ARSB: variants seen among roughly 807,000 people sequenced by gnomAD.
ARSB encodes arylsulfatase B.
In ARSB, 41 loss-of-function variants were observed where a neutral mutation model predicts 50.9. That is an observed-to-expected ratio of 0.81 (90% CI 0.63 to 1.04). ARSB has a LOEUF of 1.04. Ranked by LOEUF, ARSB falls within the 50% of genes least tolerant of loss-of-function variation. The probability of loss-of-function intolerance (pLI) is 0.00; values close to 1 mark genes in which losing one functional copy is unlikely to be tolerated. For missense variants in ARSB, 672 were observed against 693.3 expected, an observed-to-expected ratio of 0.97 and a Z score of 0.35; for synonymous variants, 269 against 284.8, an observed-to-expected ratio of 0.94 and a Z score of 0.56.
At chr5:78,931,506 C>T (rs1339474497) in intron 4 of ARSB, among the ~76,000 whole-genome samples, 1 of 152,074 alleles carries the variant, frequency 6.6e-6, no homozygotes, top group Non-Finnish European at 1.5e-5. Flanking sequence ...AGCTGCCTGT[C>T]TCTGGCCATT....
At chr5:78,865,087 G>T (rs1016144716) in intron 5 of ARSB, among the ~76,000 whole-genome samples, 3 of 118,718 alleles carry the variant, frequency 2.5e-5, no homozygotes, top group African/African-American at 9.6e-5. Context: ...GGAGGATAGT[G>T]GCCCTCTTCT....
At chr5:78,835,286 T>C (rs1320173536) in intron 6 of ARSB, among the ~76,000 whole-genome samples, 2 of 152,090 alleles carry the variant, frequency 1.3e-5, no homozygotes, top group Non-Finnish European at 2.9e-5. Context: ...GGGCACCCTA[T>C]AATTTGACTA....
chr5:78,853,727 TGG>T (rs1745981805), intron 5 of ARSB, among the ~76,000 whole-genome samples: 1 of 152,264 alleles, frequency 6.6e-6, no homozygotes, highest in Non-Finnish European at 1.5e-5. Flanking sequence ...TTGAGCTTCC[TGG>T]CTGCTTTGTT....
intron 3 of ARSB, among the ~76,000 whole-genome samples, chr5:78,958,782 G>A (rs1751848572): frequency 6.6e-6 from 1 of 152,088 alleles, no homozygotes; most frequent in Non-Finnish European, 1.5e-5. Context: ...GAAGATCTTT[G>A]TTATAGATTA....
intron 5 of ARSB, among the ~76,000 whole-genome samples, chr5:78,867,300 CTGGGTGGAGCCCACCACAGCTCAAGG>C (rs1320899877): frequency 2.6e-5 from 4 of 151,930 alleles, no homozygotes; most frequent in African/African-American, 9.7e-5. Flanking sequence ...GAAGCTCGAA[CTGGGTGGAGCCCACCACAGCTCAAGG>C]AGGCCTGCCT....
intron 6 of ARSB, among the ~76,000 whole-genome samples, chr5:78,786,638 T>C (rs1332208532): frequency 6.6e-6 from 1 of 152,214 alleles, no homozygotes; most frequent in Non-Finnish European, 1.5e-5. Context: ...TTATTCTTTT[T>C]AGAGACAGGA....
At position 78,842,883 on chromosome 5, in the gene ARSB, C is replaced by T. The variant is rs143530530; in HGVS notation, c.1143-3457G>A. The stretch of plus-strand genomic sequence containing the variant: ...TATCAATAATCTCCACTTTCTTATG[C>T]ATGTTCATCTATCCTTCTGTTAAAA... On this transcript the variant is annotated intron_variant, in intron 5 of 7. Coordinates refer to ENST00000264914, the MANE Select transcript of ARSB (RefSeq NM_000046.5). 5.3e-5 allele frequency among the ~76,000 whole-genome samples: 8 copies of T among 151,594 alleles called. No individual in the cohort carries two copies. The East Asian group carries it at 1.6e-3, about 29-fold the overall frequency.
At chr5:78,798,006 T>C (rs573368190) in intron 6 of ARSB, among the ~76,000 whole-genome samples, 3 of 152,030 alleles carry the variant, frequency 2.0e-5, no homozygotes, top group Middle Eastern at 3.2e-3. Context: ...AAATGGTTAA[T>C]GTCAAAGAGA....
At chr5:78,808,631 C>T (rs567256373) in intron 6 of ARSB, among the ~76,000 whole-genome samples, 52 of 152,298 alleles carry the variant, frequency 3.4e-4, no homozygotes, top group African/African-American at 1.2e-3. Context: ...GTTGCACTTA[C>T]ACCTCCCCGC....
intron 6 of ARSB, among the ~76,000 whole-genome samples, chr5:78,832,375 T>C (rs899861836): frequency 5.3e-5 from 8 of 152,180 alleles, no homozygotes; most frequent in Non-Finnish European, 1.0e-4. Flanking sequence ...GTCCATGCCC[T>C]CTTCCAGACT....
At chr5:78,891,270 G>C (rs1371291698) in intron 4 of ARSB, among the ~76,000 whole-genome samples, 7 of 152,210 alleles carry the variant, frequency 4.6e-5, no homozygotes. Context: ...ACATACTGCT[G>C]CTTAAACTAT....
At chr5:78,961,647 C>G (rs551521403) in intron 3 of ARSB, among the ~76,000 whole-genome samples, 20 of 152,162 alleles carry the variant, frequency 1.3e-4, no homozygotes, top group Admixed American at 3.9e-4. Context: ...GTTATGGAAC[C>G]CTGTGAGGGA....
chr5:78,862,549 T>G (rs371702016), intron 5 of ARSB, among the ~76,000 whole-genome samples: 3 of 152,104 alleles, frequency 2.0e-5, no homozygotes, highest in Non-Finnish European at 4.4e-5. Flanking sequence ...GCTAGCCATA[T>G]GTAGAAAGCT....
chr5:78,866,829 T>A (rs1316374297), intron 5 of ARSB, among the ~76,000 whole-genome samples: 4 of 152,182 alleles, frequency 2.6e-5, no homozygotes, highest in Non-Finnish European at 4.4e-5. Context: ...GATGGCCGAA[T>A]AGGGACAGTT....
intron 1 of ARSB, among the ~76,000 whole-genome samples, chr5:78,971,621 G>A (rs918715632): frequency 6.6e-5 from 10 of 152,026 alleles, no homozygotes; most frequent in East Asian, 1.9e-4. Flanking sequence ...TTGTAACCCC[G>A]GGCAGTAACT....
intron 6 of ARSB, among the ~76,000 whole-genome samples, chr5:78,835,705 A>G (rs1179847602): frequency 6.6e-6 from 1 of 152,190 alleles, no homozygotes; most frequent in East Asian, 1.9e-4. Context: ...CAGAAAAAGG[A>G]GAGAAGCAGA....
rs1179842964 is a variant in ARSB, at chr5:78,955,521, C to T, written c.691-19G>A. On this transcript the variant is annotated intron_variant, in intron 3 of 7. Transcript: ENST00000264914. ...ACAGAGGCTGGAAAGAAAGTTTGTGCAAACCAGTTAAGAGGATATTGAAGC... is the reference window on the plus strand; with the variant it reads ...ACAGAGGCTGGAAAGAAAGTTTGTGTAAACCAGTTAAGAGGATATTGAAGC... 1.2e-6 allele frequency: 2 copies of T among 1,603,588 alleles called. No individual in the cohort carries two copies. Among genetic ancestry groups the T allele is most frequent in the East Asian group, 4.5e-5 (2 of 44,816 alleles).
At chr5:78,790,249 G>C (rs1358234462) in intron 6 of ARSB, among the ~76,000 whole-genome samples, 1 of 152,118 alleles carries the variant, frequency 6.6e-6, no homozygotes, top group Non-Finnish European at 1.5e-5. Context: ...CACTTTTGGA[G>C]CCAGACTGCT....
At chr5:78,860,842 C>T (rs1183002033) in intron 5 of ARSB, among the ~76,000 whole-genome samples, 1 of 151,874 alleles carries the variant, frequency 6.6e-6, no homozygotes, top group Non-Finnish European at 1.5e-5. Context: ...CTGAAAAGAT[C>T]AACAAAATTG....
Sources: allele counts gnomAD v4.1 joint callset (sites outside exome capture counted in the v4.1 genomes callset), GRCh38; gene constraint gnomAD v4.1.1; transcripts MANE v1.5; gene names NCBI Gene and HGNC (gene_info 2026-07-23, HGNC 2026-07-21).